Variants in NIPAL1 observed in about 807,000 individuals in gnomAD.
NIPAL1 encodes the protein NIPA like domain containing 1.
A neutral mutation model predicts 37.7 loss-of-function variants in NIPAL1; 35 were observed. The ratio of observed to expected loss-of-function variants is 0.93; its 90% CI spans 0.71 to 1.23. The LOEUF is 1.23. NIPAL1 is among the 50% of genes most tolerant of loss of function. NIPAL1 has a pLI of 0.00. For synonymous variants in NIPAL1, 162 were observed against 183.0 expected (o/e 0.89, Z 0.93); for missense variants, 412 against 473.9 (o/e 0.87, Z 1.21).
At chr4:48,025,755 G>C (rs975384338) in intron 2 of NIPAL1, among the ~76,000 whole-genome samples, 5 of 152,028 alleles carry the variant, frequency 3.3e-5, no homozygotes, top group Admixed American at 2.6e-4. Flanking sequence ...TCACTGGCTC[G>C]GTTTATCTTA....
In NIPAL1 at chr4:48,035,960, C is replaced by T; in HGVS notation, c.1021C>T (p.Leu341=). The change falls in exon 6 of 6, where the codon CTG becomes TTG. Residue 341 remains leucine, a synonymous_variant. Transcript: ENST00000295461. ...GMTAGDIIGT[L]SGFFTIIIGI... ...GACAGCTGGAGATATCATTGGGACC[C>T]TGAGTGGATTCTTCACTATTATCAT... is the stretch of plus-strand genomic sequence containing the variant. 6.2e-7 allele frequency: 1 copy of T among 1,613,830 alleles called. No homozygotes were observed. The highest frequency in any genetic ancestry group is 8.5e-7 in the Non-Finnish European group (1 of 1,179,792).
chr4:48,028,462 T>C (rs545272906), intron 2 of NIPAL1, among the ~76,000 whole-genome samples: 85 of 152,184 alleles, frequency 5.6e-4, no homozygotes, highest in African/African-American at 1.9e-3. Context: ...AACCTGAAAC[T>C]ATAAAAGCCC....
chr4:48,026,229 A>T (rs1189004957), intron 2 of NIPAL1, among the ~76,000 whole-genome samples: 3 of 152,252 alleles, frequency 2.0e-5, no homozygotes, highest in Non-Finnish European at 4.4e-5. Context: ...AATGGACAAC[A>T]ATAGAATTAG....
intron 1 of NIPAL1, among the ~76,000 whole-genome samples, chr4:48,020,074 C>T (rs73149627): frequency 3.0e-4 from 46 of 152,260 alleles, no homozygotes; most frequent in African/African-American, 1.1e-3. Context: ...TATAAGAGAG[C>T]GGGACCATTG....
rs1327495151 is a variant in NIPAL1, at chr4:48,038,966, GAAAC to G, written c.*2797_*2800del. 1 of 151,882 alleles carries G rather than the reference GAAAC, an allele frequency of 6.6e-6. No homozygotes were observed. 9.4% of individuals were successfully genotyped at this position (151,882 alleles called of 1,614,324 possible). A position where few individuals can be genotyped will look rare whatever the true frequency, so the allele number is the denominator to read the frequency against. On this transcript the variant is annotated 3_prime_UTR_variant, in exon 6 of 6. Coordinates refer to ENST00000295461, the MANE Select transcript of NIPAL1 (RefSeq NM_207330.3). ...GATTTAATGAGTTGAAGTATGCTGA[GAAAC>G]AATGAAATATTTGAAAACTGTCTAC...
rs1716038867 is a variant in NIPAL1, at chr4:48,039,757, A to C, written c.*3585A>C. 1 of 152,210 alleles carries C rather than the reference A, an allele frequency of 6.6e-6. No individual in the cohort carries two copies. The highest frequency in any genetic ancestry group is 1.5e-5 in the Non-Finnish European group (1 of 68,034). 9.4% of individuals were successfully genotyped at this position (152,210 alleles called of 1,614,324 possible). A position where few individuals can be genotyped will look rare whatever the true frequency, so the allele number is the denominator to read the frequency against. On this transcript the variant is annotated 3_prime_UTR_variant, in exon 6 of 6. Transcript: ENST00000295461. ...ATGCCTGATAATAGGCACTTAGTAAAATGTACTTTTCTTTGAATCAACATT... is the reference window on the plus strand; with the variant it reads ...ATGCCTGATAATAGGCACTTAGTAACATGTACTTTTCTTTGAATCAACATT...
At chr4:48,029,710 T>C (rs1036646349) in intron 2 of NIPAL1, among the ~76,000 whole-genome samples, 15 of 152,208 alleles carry the variant, frequency 9.9e-5, no homozygotes, top group African/African-American at 3.6e-4. Flanking sequence ...AAAATTGACA[T>C]AACTTTTCTG....
intron 1 of NIPAL1, among the ~76,000 whole-genome samples, chr4:48,021,369 A>G (rs560930673): frequency 6.6e-6 from 1 of 152,298 alleles, no homozygotes; most frequent in East Asian, 1.9e-4. Flanking sequence ...CTTGCCCATG[A>G]TTATAGATAG....
rs572994120 is a variant in NIPAL1 at position 48,040,096 on chromosome 4, T to G, written c.*3924T>G. On this transcript the variant is annotated 3_prime_UTR_variant, in exon 6 of 6. Coordinates refer to ENST00000295461, the MANE Select transcript of NIPAL1 (RefSeq NM_207330.3). ...AAGCCTTATATTTTGCAAGTGTTTTTACTGTTGATTTTAGAAAGTTTATAA... is the reference window on the plus strand; with the variant it reads ...AAGCCTTATATTTTGCAAGTGTTTTGACTGTTGATTTTAGAAAGTTTATAA... 1.1e-4 allele frequency: 17 copies of G among 152,370 alleles called. No individual in the cohort carries two copies. Among genetic ancestry groups the G allele is most frequent in the Admixed American group, 5.2e-4 (8 of 15,298 alleles). The allele number at this position is 152,370 out of a possible 1,614,324, so 9.4% of individuals were successfully genotyped here.
chr4:48,016,850 A>C lies in NIPAL1; in HGVS notation c.11A>C (p.Gln4Pro). ...CCCGCTCCCGGGGCCATGGGGGCAC[A>C]GGTGAGGCTGCCGCCCGGAGAGCCC... is the stretch of plus-strand genomic sequence containing the variant. MGA[Q>P]VRLPPGEPCR... is the part of the protein sequence containing the mutation. The change falls in exon 1 of 6, where the codon CAG becomes CCG. Residue 4 changes from glutamine to proline, a missense_variant. Transcript: ENST00000295461. 2 of 1,588,914 alleles carry C rather than the reference A, an allele frequency of 1.3e-6. No homozygotes were observed. The highest frequency in any genetic ancestry group is 1.7e-6 in the Non-Finnish European group (2 of 1,171,036).
At position 48,036,308 on chromosome 4, in the gene NIPAL1, A is replaced by G; in HGVS notation, c.*136A>G. ...AATTTAGATGTGAGGCCAAGTAAAA[A>G]TGCCATTTTTTTGGCCATTGAATTT... On this transcript the variant is annotated 3_prime_UTR_variant, in exon 6 of 6. Transcript: ENST00000295461. 1.3e-6 allele frequency: 1 copy of G among 780,656 alleles called. No homozygotes were observed. The highest frequency in any genetic ancestry group is 2.0e-6 in the Non-Finnish European group (1 of 502,336). The allele number at this position is 780,656 out of a possible 1,614,324, so 48.4% of individuals were successfully genotyped here.
At chr4:48,019,815 C>T (rs1304965394) in intron 1 of NIPAL1, among the ~76,000 whole-genome samples, 1 of 152,164 alleles carries the variant, frequency 6.6e-6, no homozygotes, top group Non-Finnish European at 1.5e-5. Context: ...GTTCATTTCA[C>T]CTGATCCTTC....
chr4:48,037,200 C>T lies in NIPAL1; in HGVS notation c.*1028C>T, dbSNP rs918078228. ...TTTACTACCAGTTAAAGAGGGAGAA[C>T]GGAGGAAGAGAAAAATACTTCAGAT... On this transcript the variant is annotated 3_prime_UTR_variant, in exon 6 of 6. Transcript: ENST00000295461. The T allele has an allele frequency of 2.5e-5, 10 of 393,446 alleles. No homozygotes were observed. Among genetic ancestry groups the T allele is most frequent in the Admixed American group, 6.9e-5 (2 of 28,808 alleles). 24.4% of individuals were successfully genotyped at this position (393,446 alleles called of 1,614,324 possible).
Position 48,025,177 on chromosome 4 carries a change from C to T in NIPAL1, c.156C>T (p.Ser52=), listed in dbSNP as rs1715660498. The T allele has an allele frequency of 6.2e-7, 1 of 1,614,162 alleles. No homozygotes were observed. The highest frequency in any genetic ancestry group is 1.1e-5 in the South Asian group (1 of 91,086). ...SPVLYTDLNY[S]INNLSISANV... is the part of the protein sequence containing the mutation. Reference sequence around the variant, plus strand: ...TGCTCTACACGGACCTGAATTACAGCATAAACAACTTGAGCATTTCAGCAA... The same window carrying T: ...TGCTCTACACGGACCTGAATTACAGTATAAACAACTTGAGCATTTCAGCAA... The change falls in exon 2 of 6, where the codon AGC becomes AGT. Residue 52 remains serine, a synonymous_variant. Coordinates refer to ENST00000295461, the MANE Select transcript of NIPAL1 (RefSeq NM_207330.3).
rs1431314690 is a variant in NIPAL1, at chr4:48,037,987, T to C, written c.*1815T>C. The C allele has an allele frequency of 6.6e-6, 1 of 152,166 alleles. No homozygotes were observed. Among genetic ancestry groups the C allele is most frequent in the African/African-American group, 2.4e-5 (1 of 41,436 alleles). The allele number at this position is 152,166 out of a possible 1,614,324, so 9.4% of individuals were successfully genotyped here. Reference sequence around the variant, plus strand: ...TTTTCTGCTCTAACCTTAAATGTTATTAGGTTTGGTTTTTGTTTCTAAGCT... The same window carrying C: ...TTTTCTGCTCTAACCTTAAATGTTACTAGGTTTGGTTTTTGTTTCTAAGCT... On this transcript the variant is annotated 3_prime_UTR_variant, in exon 6 of 6. Transcript: ENST00000295461.
intron 2 of NIPAL1, among the ~76,000 whole-genome samples, chr4:48,029,350 CTTAT>C (rs1175088222): frequency 6.6e-6 from 1 of 152,248 alleles, no homozygotes; most frequent in African/African-American, 2.4e-5. Context: ...CATGTTCTTA[CTTAT>C]AAGTGGGAGC....
chr4:48,032,626 G>A (rs1477390105), intron 3 of NIPAL1, among the ~76,000 whole-genome samples: 1 of 152,136 alleles, frequency 6.6e-6, no homozygotes. Context: ...AAAGCTGTAG[G>A]TATTCTTGAG....
chr4:48,036,759 C>T lies in NIPAL1; in HGVS notation c.*587C>T, dbSNP rs2109374292. On this transcript the variant is annotated 3_prime_UTR_variant, in exon 6 of 6. Coordinates refer to ENST00000295461, the MANE Select transcript of NIPAL1 (RefSeq NM_207330.3). ...CTTGGGCCACAAGGCGAGACCCTGT[C>T]TCTACAAAAAATACAAAAATTAGCC... 6.5e-6 allele frequency: 1 copy of T among 153,070 alleles called. No individual in the cohort carries two copies. Among genetic ancestry groups the T allele is most frequent in the South Asian group, 2.1e-4 (1 of 4,874 alleles). The allele number at this position is 153,070 out of a possible 1,614,324, so 9.5% of individuals were successfully genotyped here. A position where few individuals can be genotyped will look rare whatever the true frequency, so the allele number is the denominator to read the frequency against.
chr4:48,036,155 A>G lies in NIPAL1; in HGVS notation c.1216A>G (p.Ser406Gly), dbSNP rs150999020. The part of the protein sequence containing the change: ...PGYNDDVTLF[S>G]RTDD ...ATACAATGATGACGTTACCTTGTTT[A>G]GTAGAACTGATGACTGAAGTCTCTA... The change falls in exon 6 of 6, where the codon AGT (serine) becomes GGT (glycine). Residue 406 changes from serine to glycine, a missense_variant. Ser to Gly is a moderately conservative substitution (Grantham distance 56). Coordinates refer to ENST00000295461, the MANE Select transcript of NIPAL1 (RefSeq NM_207330.3). 6.2e-7 allele frequency: 1 copy of G among 1,602,600 alleles called. No homozygotes were observed. Among genetic ancestry groups the G allele is most frequent in the Non-Finnish European group, 8.5e-7 (1 of 1,177,538 alleles).
Sources: gnomAD v4.1 joint callset for allele counts (sites outside exome capture counted in the v4.1 genomes callset) on GRCh38, gnomAD v4.1.1 for gene constraint, MANE v1.5 for transcripts, NCBI Gene and HGNC (gene_info 2026-07-23, HGNC 2026-07-21) for gene names.